Variants in EZH2 observed in about 807,000 individuals in gnomAD.
EZH2 encodes the protein histone-lysine N-methyltransferase EZH2.
EZH2 carries 18 observed loss-of-function variants against 98.4 expected under a neutral mutation model. The ratio of observed to expected loss-of-function variants is 0.18; its 90% CI spans 0.13 to 0.27. EZH2 has a LOEUF of 0.27. EZH2 is among the 10% of genes least tolerant of loss of function. The pLI is 1.00. For synonymous variants in EZH2, 338 were observed against 312.3 expected, an observed-to-expected ratio of 1.08 and a Z score of -0.87; for missense variants, 470 against 935.1, an observed-to-expected ratio of 0.50 and a Z score of 6.49.
intron 1 of EZH2, among the ~76,000 whole-genome samples, chr7:148,866,510 A>G (rs368097046): frequency 7.1e-4 from 69 of 97,302 alleles, no homozygotes; most frequent in South Asian, 3.0e-3. Context: ...ACGTATATAC[A>G]TATATATGTG....
intron 1 of EZH2, among the ~76,000 whole-genome samples, chr7:148,880,251 C>T (rs1245229702): frequency 6.6e-6 from 1 of 152,184 alleles, no homozygotes; most frequent in Non-Finnish European, 1.5e-5. Context: ...ATTTGCTAAT[C>T]TGTATTTAAA....
chr7:148,878,668 G>A lies in EZH2; in HGVS notation c.-8+5496C>T, dbSNP rs1820507764. Reference sequence around the variant, plus strand: ...AATCCCAGCACTTTGGGAGGCTGAGGTAGGTGGATCTCTTGAGTTCAGGAG... The same window carrying A: ...AATCCCAGCACTTTGGGAGGCTGAGATAGGTGGATCTCTTGAGTTCAGGAG... On this transcript the variant is annotated intron_variant, in intron 1 of 19. Transcript: ENST00000320356. Among the ~76,000 whole-genome samples, 2 of 152,134 alleles carry A rather than the reference G, an allele frequency of 1.3e-5. 1 individual carries two copies. The highest frequency in any genetic ancestry group is 1.3e-4 in the Admixed American group (2 of 15,266).
At chr7:148,834,879 T>A (rs1248140734) in intron 3 of EZH2, among the ~76,000 whole-genome samples, 1 of 152,226 alleles carries the variant, frequency 6.6e-6, no homozygotes, top group Non-Finnish European at 1.5e-5. Context: ...ATCTTAATTA[T>A]TCCTCATTAC....
chr7:148,818,425 A>C lies in EZH2; in HGVS notation c.1000-308T>G, dbSNP rs1253019837. On this transcript the variant is annotated intron_variant, in intron 9 of 19. Transcript: ENST00000320356. ...ATTAAGTTAAAATATAAGAAGATAA[A>C]GTATGAAATATACTTCATGTAATAA... Among the ~76,000 whole-genome samples the C allele has an allele frequency of 3.9e-5, 6 of 152,200 alleles. 1 individual carries two copies. The East Asian group carries it at 1.2e-3, about 29-fold the overall frequency.
chr7:148,808,979 G>C lies in EZH2; in HGVS notation c.2195+92C>G, dbSNP rs1051879501. The C allele has an allele frequency of 1.3e-5, 13 of 985,390 alleles. No individual in the cohort carries two copies. In the South Asian group the frequency reaches 1.8e-4, roughly 13 times the overall value. The allele number at this position is 985,390 out of a possible 1,614,324, so 61.0% of individuals were successfully genotyped here. On this transcript the variant is annotated intron_variant, in intron 19 of 19. Transcript: ENST00000320356. ...CTCATGGCAAAGTGACCCATCAAAA[G>C]AAGCAAAGAACTAAAAACCCTCCTT...
chr7:148,826,434 GAT>G lies in EZH2; in HGVS notation c.907+18_907+19del. The stretch of plus-strand genomic sequence containing the variant: ...CTTTAAAACATAATTCCACAACAAA[GAT>G]AGAAAATGAAAACGTACAATAATTG... On this transcript the variant is annotated intron_variant, in intron 8 of 19. Coordinates refer to ENST00000320356, the MANE Select transcript of EZH2 (RefSeq NM_004456.5). The G allele has an allele frequency of 6.5e-7, 1 of 1,534,486 alleles. No homozygotes were observed. The highest frequency in any genetic ancestry group is 8.8e-7 in the Non-Finnish European group (1 of 1,134,582).
chr7:148,818,926 A>C (rs938582729), intron 9 of EZH2: 14 of 393,018 alleles, frequency 3.6e-5, no homozygotes, highest in African/African-American at 2.3e-4. Flanking sequence ...GACAGCAGCC[A>C]ACAGTTTTAT....
intron 1 of EZH2, among the ~76,000 whole-genome samples, chr7:148,867,649 G>GCAGC (rs1818736977): frequency 6.6e-6 from 1 of 152,138 alleles, no homozygotes; most frequent in Non-Finnish European, 1.5e-5. Flanking sequence ...GTAAATTTCT[G>GCAGC]CAGCCAGCTT....
chr7:148,852,714 A>G (rs1207667527), intron 1 of EZH2, among the ~76,000 whole-genome samples: 4 of 152,178 alleles, frequency 2.6e-5, no homozygotes, highest in Non-Finnish European at 5.9e-5. Context: ...CCAAGAAAGA[A>G]CTGTAGTCTC....
Position 148,816,675 on chromosome 7 carries a change from C to T in EZH2, c.1505+9G>A. The T allele has an allele frequency of 6.2e-7, 1 of 1,609,272 alleles. No homozygotes were observed. The highest frequency in any genetic ancestry group is 1.7e-5 in the Admixed American group (1 of 60,020). ...TTGACTTCTCTAAGGAGCTTCATGA[C>T]AGACTCACCGGTGTTTCCTCTTCTT... On this transcript the variant is annotated intron_variant, in intron 12 of 19. Coordinates refer to ENST00000320356, the MANE Select transcript of EZH2 (RefSeq NM_004456.5).
At chr7:148,839,107 A>AGGAAGGAAGGAAGGAAGGAAGG (rs1307399209) in intron 3 of EZH2, among the ~76,000 whole-genome samples, 1 of 150,060 alleles carries the variant, frequency 6.7e-6, no homozygotes, top group African/African-American at 2.5e-5. Context: ...GAAGGAAGGA[A>AGGAAGGAAGGAAGGAAGGAAGG]AGTGAGTGAG....
chr7:148,854,333 T>G (rs539899217), intron 1 of EZH2, among the ~76,000 whole-genome samples: 8 of 150,952 alleles, frequency 5.3e-5, no homozygotes, highest in Non-Finnish European at 8.8e-5. Context: ...CTACTCGGGA[T>G]GCTGAGGCAG....
chr7:148,830,564 A>AT (rs1809087941), intron 4 of EZH2, among the ~76,000 whole-genome samples: 1 of 152,266 alleles, frequency 6.6e-6, no homozygotes, highest in Non-Finnish European at 1.5e-5. Flanking sequence ...ATAGTCCATT[A>AT]AAGTTTATGC....
At chr7:148,807,848 A>C in intron 19 of EZH2, 142 bp from the exon 20 acceptor site, 1 of 621,142 alleles carries the variant, frequency 1.6e-6, no homozygotes, top group Non-Finnish European at 2.8e-6. Flanking sequence ...CCATCCAATT[A>C]CACAGCTGCC....
chr7:148,811,388 C>T (rs552347710), intron 16 of EZH2, among the ~76,000 whole-genome samples: 2 of 152,180 alleles, frequency 1.3e-5, no homozygotes, highest in East Asian at 1.9e-4. Flanking sequence ...TGAGCTCAAG[C>T]AATCCACCTG....
chr7:148,863,730 T>C (rs1007554324), intron 1 of EZH2, among the ~76,000 whole-genome samples: 1 of 152,212 alleles, frequency 6.6e-6, no homozygotes, highest in Non-Finnish European at 1.5e-5. Flanking sequence ...GGGACTCAAA[T>C]AGTCCACTCA....
At chr7:148,809,764 T>C (rs1802523592) in intron 17 of EZH2, among the ~76,000 whole-genome samples, 1 of 152,194 alleles carries the variant, frequency 6.6e-6, no homozygotes, top group South Asian at 2.1e-4. Flanking sequence ...AAAGCATTCA[T>C]AGAAAAAAAC....
intron 1 of EZH2, 65 bp downstream of exon 1, chr7:148,884,099 G>T (rs1455684764): frequency 6.6e-6 from 1 of 151,914 alleles, no homozygotes; most frequent in Non-Finnish European, 1.5e-5. Flanking sequence ...TCCTGGCGCC[G>T]CCGCCGCCGC....
intron 6 of EZH2, among the ~76,000 whole-genome samples, chr7:148,828,348 CTTTT>C (rs1563242361): frequency 6.7e-6 from 1 of 149,504 alleles, no homozygotes; most frequent in Non-Finnish European, 1.5e-5. Context: ...TTTTTTTTTT[CTTTT>C]TTAAGGCAAG....
Sources: allele counts gnomAD v4.1 joint callset (sites outside exome capture counted in the v4.1 genomes callset), GRCh38; gene constraint gnomAD v4.1.1; transcripts MANE v1.5; gene names NCBI Gene and HGNC (gene_info 2026-07-23, HGNC 2026-07-21).